ASXL1: variants seen among roughly 807,000 people sequenced by gnomAD.
The protein encoded by ASXL1 is polycomb group protein ASXL1.
In ASXL1, 65 loss-of-function variants were observed where a neutral mutation model predicts 89.1. The observed-to-expected ratio is 0.73, with a 90% CI of 0.60 to 0.90. The LOEUF (loss-of-function observed/expected upper bound fraction) is 0.90, where lower values mean the gene tolerates loss of function less well. Among genes scored for constraint, ASXL1 ranks in the 40% least tolerant of loss-of-function variants. ASXL1 has a pLI of 0.00. For synonymous variants in ASXL1, 739 were observed against 746.9 expected (o/e 0.99, Z 0.17); for missense variants, 1,786 against 1,942.9 (o/e 0.92, Z 1.52).
chr20:32,378,194 G>GTGTGTT (rs2048422287), intron 4 of ASXL1, among the ~76,000 whole-genome samples: 1 of 143,582 alleles, frequency 7.0e-6, no homozygotes, highest in Admixed American at 7.2e-5. Flanking sequence ...GTGTGTGTGT[G>GTGTGTT]TTTTAATAGA....
intron 1 of ASXL1, among the ~76,000 whole-genome samples, chr20:32,365,684 A>G (rs1021365891): frequency 3.3e-5 from 5 of 152,226 alleles, no homozygotes; most frequent in African/African-American, 4.8e-5. Flanking sequence ...AAATACTGCA[A>G]TACTGCCATG....
chr20:32,428,181 A>G lies in ASXL1; in HGVS notation c.306A>G (p.Pro102=), dbSNP rs1339452337. The part of the protein sequence containing the change: ...RHPATVEGEE[P]EDTADVESCG... Reference sequence around the variant, plus strand: ...CAGCTACAGTGGAGGGAGAGGAGCCAGAGGACACGGCTGATGTGGAGAGCT... The same window carrying G: ...CAGCTACAGTGGAGGGAGAGGAGCCGGAGGACACGGCTGATGTGGAGAGCT... Residue 102 remains proline, a synonymous_variant, in exon 5 of 13, where the codon CCA becomes CCG. Transcript: ENST00000375687. 1.9e-6 allele frequency: 3 copies of G among 1,614,016 alleles called. No individual in the cohort carries two copies. The highest frequency in any genetic ancestry group is 2.5e-6 in the Non-Finnish European group (3 of 1,180,030).
chr20:32,435,081 A>G lies in ASXL1; in HGVS notation c.2369A>G (p.Glu790Gly). The change falls in exon 13 of 13, where the codon GAG (glutamate) becomes GGG (glycine). Residue 790 changes from glutamate (E) to glycine (G), a missense_variant. Transcript: ENST00000375687. ...QLHPDVRTECESGTTSWESDD... is the reference protein window; with the variant it reads ...QLHPDVRTECGSGTTSWESDD... Reference sequence around the variant, plus strand: ...CATCCGGATGTTAGAACTGAATGTGAGTCTGGCACCACTTCCTGGGAAAGT... The same window carrying G: ...CATCCGGATGTTAGAACTGAATGTGGGTCTGGCACCACTTCCTGGGAAAGT... 4 of 1,614,024 alleles carry G rather than the reference A, an allele frequency of 2.5e-6. No homozygotes were observed. The highest frequency in any genetic ancestry group is 3.4e-6 in the Non-Finnish European group (4 of 1,180,026).
At chr20:32,359,023 C>G in intron 1 of ASXL1, 191 bp downstream of exon 1, 1 of 643,546 alleles carries the variant, frequency 1.6e-6, no homozygotes, top group Non-Finnish European at 2.6e-6. Context: ...GATGTGGCGC[C>G]TTTTTCCGCT....
At chr20:32,389,680 G>A (rs571065652) in intron 4 of ASXL1, among the ~76,000 whole-genome samples, 3 of 152,128 alleles carry the variant, frequency 2.0e-5, no homozygotes, top group Non-Finnish European at 4.4e-5. Context: ...TTACTTACTG[G>A]GTTCAAGCGA....
Position 32,412,108 on chromosome 20 carries a change from T to TG in ASXL1, c.253-16019dup, listed in dbSNP as rs940993327. Among the ~76,000 whole-genome samples the TG allele has an allele frequency of 4.2e-4, 64 of 152,188 alleles. 1 individual carries two copies. Among genetic ancestry groups the TG allele is most frequent in the African/African-American group, 1.5e-3 (63 of 41,454 alleles). ...TTCTTTTAGCTTAGAATAGTATGCA[T>TG]GTATACATCTGTACCTGTTTCTCTC... On this transcript the variant is annotated intron_variant, in intron 4 of 12. Transcript: ENST00000375687.
intron 4 of ASXL1, among the ~76,000 whole-genome samples, chr20:32,390,296 C>T (rs2122984426): frequency 6.6e-6 from 1 of 152,226 alleles, no homozygotes; most frequent in East Asian, 1.9e-4. Flanking sequence ...CAATGCATAT[C>T]ACTTTCATAT....
intron 1 of ASXL1, among the ~76,000 whole-genome samples, chr20:32,362,453 G>A (rs374478649): frequency 1.3e-5 from 2 of 152,126 alleles, no homozygotes; most frequent in Admixed American, 6.5e-5. Flanking sequence ...TGGCTAACAC[G>A]GTGAAACCCC....
Position 32,438,788 on chromosome 20 carries a change from T to C in ASXL1, c.*1450T>C, listed in dbSNP as rs1350497645. ...CTCTCCTGGGACTGTGAGGCTCCTTTTGACGTACTTTTGACATCAGGCAGG... is the reference window on the plus strand; with the variant it reads ...CTCTCCTGGGACTGTGAGGCTCCTTCTGACGTACTTTTGACATCAGGCAGG... On this transcript the variant is annotated 3_prime_UTR_variant, in exon 13 of 13. Transcript: ENST00000375687. 4.3e-6 allele frequency: 1 copy of C among 233,472 alleles called. No homozygotes were observed. Among genetic ancestry groups the C allele is most frequent in the East Asian group, 6.0e-5 (1 of 16,602 alleles). The allele number at this position is 233,472 out of a possible 1,614,324, so 14.5% of individuals were successfully genotyped here.
chr20:32,409,911 C>G (rs1272225620), intron 4 of ASXL1, among the ~76,000 whole-genome samples: 1 of 152,046 alleles, frequency 6.6e-6, no homozygotes, highest in East Asian at 1.9e-4. Flanking sequence ...CAAACATTGT[C>G]TTTTATGACT....
intron 4 of ASXL1, among the ~76,000 whole-genome samples, chr20:32,413,871 A>T (rs1383784607): frequency 6.6e-6 from 1 of 152,214 alleles, no homozygotes; most frequent in African/African-American, 2.4e-5. Context: ...TACACAATAC[A>T]TTTATGTAGA....
At chr20:32,411,472 C>T (rs2049045771) in intron 4 of ASXL1, among the ~76,000 whole-genome samples, 1 of 151,152 alleles carries the variant, frequency 6.6e-6, no homozygotes, top group South Asian at 2.1e-4. Context: ...AAGCGATCCA[C>T]CCGCCTCAGC....
intron 1 of ASXL1, among the ~76,000 whole-genome samples, chr20:32,362,558 C>T (rs532552401): frequency 5.9e-5 from 9 of 152,300 alleles, no homozygotes; most frequent in African/African-American, 9.6e-5. Context: ...ATGGCGTGAA[C>T]GCGGGAGGCG....
chr20:32,378,884 T>G (rs2048434473), intron 4 of ASXL1, among the ~76,000 whole-genome samples: 1 of 151,472 alleles, frequency 6.6e-6, no homozygotes, highest in Admixed American at 6.6e-5. Flanking sequence ...TCCCAGCACT[T>G]TGGGAGGCGG....
intron 2 of ASXL1, among the ~76,000 whole-genome samples, chr20:32,366,840 C>CTTTTAGAATAAAAGAACAGTGG (rs2048212453): frequency 6.6e-6 from 1 of 152,128 alleles, no homozygotes; most frequent in African/African-American, 2.4e-5. Flanking sequence ...CACTGAAGTT[C>CTTTTAGAATAAAAGAACAGTGG]TTTCTTTTAG....
chr20:32,391,045 G>C (rs1371973790), intron 4 of ASXL1, among the ~76,000 whole-genome samples: 2 of 151,520 alleles, frequency 1.3e-5, no homozygotes, highest in African/African-American at 2.4e-5. Flanking sequence ...ACACCACCAT[G>C]TTCAGCTAAT....
At chr20:32,390,557 C>CA (rs1173556194) in intron 4 of ASXL1, among the ~76,000 whole-genome samples, 3 of 151,924 alleles carry the variant, frequency 2.0e-5, no homozygotes, top group Non-Finnish European at 2.9e-5. Context: ...ACTGCAGCCT[C>CA]AAACTCCTGG....
intron 4 of ASXL1, among the ~76,000 whole-genome samples, chr20:32,422,966 T>G (rs191453215): frequency 6.6e-6 from 1 of 152,316 alleles, no homozygotes; most frequent in Admixed American, 6.5e-5. Context: ...AAAATTATTC[T>G]TGTAAAATGT....
intron 4 of ASXL1, among the ~76,000 whole-genome samples, chr20:32,418,082 G>A (rs2049168609): frequency 6.6e-6 from 1 of 152,084 alleles, no homozygotes; most frequent in East Asian, 1.9e-4. Context: ...GGAGGCTGAG[G>A]CAGGAGAATT....
Sources: allele counts gnomAD v4.1 joint callset (sites outside exome capture counted in the v4.1 genomes callset), GRCh38; gene constraint gnomAD v4.1.1; transcripts MANE v1.5; gene names NCBI Gene and HGNC (gene_info 2026-07-23, HGNC 2026-07-21).